The following SCNN1B variants were observed in gnomAD, a reference collection of about 807,000 sequenced individuals.
SCNN1B encodes epithelial sodium channel subunit beta.
SCNN1B carries 46 observed loss-of-function variants against 65.3 expected under a neutral mutation model. The ratio of observed to expected loss-of-function variants is 0.70; its 90% CI spans 0.56 to 0.90. The LOEUF (loss-of-function observed/expected upper bound fraction) is 0.90. SCNN1B is among the 40% of genes least tolerant of loss of function. SCNN1B has a pLI of 0.00. For synonymous variants in SCNN1B, 349 were observed against 330.6 expected, an observed-to-expected ratio of 1.06 and a Z score of -0.60; for missense variants, 751 against 830.5, an observed-to-expected ratio of 0.90 and a Z score of 1.18.
intron 2 of SCNN1B, among the ~76,000 whole-genome samples, chr16:23,349,236 G>C (rs1021093739): frequency 1.3e-5 from 2 of 152,150 alleles, no homozygotes; most frequent in Non-Finnish European, 1.5e-5. Flanking sequence ...ACAGCACTTT[G>C]AGAGGCAAAG....
In SCNN1B at chr16:23,353,040, G is replaced by T. The variant is rs1333009976; in HGVS notation, c.551G>T (p.Cys184Phe). The T allele has an allele frequency of 6.2e-7, 1 of 1,614,034 alleles. No homozygotes were observed. Among genetic ancestry groups the T allele is most frequent in the African/African-American group, 1.3e-5 (1 of 74,902 alleles). ...LTSSSASEKI[C>F]NAHGCKMAMR... ...AGCAGCTCAGCATCAGAAAAGATCT[G>T]TAATGCCCACGGGTGCAAAATGGCC... Residue 184 changes from cysteine (C) to phenylalanine (F), a missense_variant, in exon 3 of 13, where the codon TGT becomes TTT. Cys to Phe is a radical substitution (Grantham distance 205). Coordinates refer to ENST00000343070, the MANE Select transcript of SCNN1B (RefSeq NM_000336.3).
intron 7 of SCNN1B, among the ~76,000 whole-genome samples, chr16:23,373,684 G>A (rs947789333): frequency 4.6e-5 from 7 of 152,338 alleles, no homozygotes; most frequent in African/African-American, 1.4e-4. Flanking sequence ...GGGTGCCCGA[G>A]CATGGCATGG....
chr16:23,352,269 A>G (rs1962324881), intron 2 of SCNN1B, among the ~76,000 whole-genome samples: 1 of 152,210 alleles, frequency 6.6e-6, no homozygotes, highest in Non-Finnish European at 1.5e-5. Flanking sequence ...AGATGGATGC[A>G]TGGGTGGGTG....
intron 4 of SCNN1B, among the ~76,000 whole-genome samples, chr16:23,360,217 T>TAAATAAATAAACAAAC (rs1555488458): frequency 1.3e-5 from 2 of 150,110 alleles, no homozygotes; most frequent in African/African-American, 4.9e-5. Flanking sequence ...AATAAATAAA[T>TAAATAAATAAACAAAC]AAATAAATAA....
In SCNN1B at chr16:23,380,090, G is replaced by T. The variant is rs1450480510; in HGVS notation, c.1467-4G>T. ...GTCCCGGCCCTTCTCGCTGCCTCCT[G>T]CAGGAAGGGAATTGTCAAGCTCAAC... On this transcript the variant is annotated splice_region_variant and splice_polypyrimidine_tract_variant and intron_variant, in intron 11 of 12. Transcript: ENST00000343070. The surrounding 1 kb of genome is among the most constrained non-coding windows in gnomAD (Gnocchi z 5.4). 3.1e-6 allele frequency: 5 copies of T among 1,613,270 alleles called. No individual in the cohort carries two copies. In the South Asian group the frequency reaches 3.3e-5, roughly 11 times the overall value.
intron 1 of SCNN1B, among the ~76,000 whole-genome samples, chr16:23,331,784 G>C (rs188329234): frequency 2.2e-3 from 329 of 152,304 alleles, no homozygotes; most frequent in Non-Finnish European, 3.5e-3. Context: ...AATTAGCACA[G>C]GAGGGGGAGC....
chr16:23,292,943 C>T (rs1330743461), intron 2 of SCNN1B, among the ~76,000 whole-genome samples: 2 of 150,948 alleles, frequency 1.3e-5, no homozygotes, highest in East Asian at 4.0e-4. Context: ...GGTGAAACCC[C>T]GTCTCTACTA....
chr16:23,374,268 G>GAAAAAAAA (rs1223701346), intron 7 of SCNN1B, among the ~76,000 whole-genome samples: 13,491 of 59,474 alleles, frequency 0.23, 1,835 homozygotes, highest in Non-Finnish European at 0.28. Flanking sequence ...CCTGTCTCAG[G>GAAAAAAAA]AAAAAAAAAA....
At chr16:23,331,198 T>A (rs78219183) in intron 1 of SCNN1B, among the ~76,000 whole-genome samples, 2,242 of 152,300 alleles carry the variant, frequency 0.015, 61 homozygotes, top group African/African-American at 0.048. Flanking sequence ...CCTGTCAGAA[T>A]CACTCCCTTC....
chr16:23,319,936 T>C (rs1961553174), intron 1 of SCNN1B, among the ~76,000 whole-genome samples: 1 of 151,996 alleles, frequency 6.6e-6, no homozygotes, highest in African/African-American at 2.4e-5. Flanking sequence ...TCCGACTAAT[T>C]TTTGTATTTT....
At position 23,380,088 on chromosome 16, in the gene SCNN1B, C is replaced by A; in HGVS notation, c.1467-6C>A. On this transcript the variant is annotated splice_region_variant and splice_polypyrimidine_tract_variant and intron_variant, in intron 11 of 12. Coordinates refer to ENST00000343070, the MANE Select transcript of SCNN1B (RefSeq NM_000336.3). This position sits in a 1 kb window ranked among gnomAD's most constrained non-coding sequence, Gnocchi z 5.4. ...TAGTCCCGGCCCTTCTCGCTGCCTC[C>A]TGCAGGAAGGGAATTGTCAAGCTCA... is the stretch of plus-strand genomic sequence containing the variant. The A allele has an allele frequency of 6.2e-7, 1 of 1,613,406 alleles. No homozygotes were observed. The highest frequency in any genetic ancestry group is 8.5e-7 in the Non-Finnish European group (1 of 1,179,356).
At chr16:23,318,851 G>A (rs1189980260) in intron 1 of SCNN1B, among the ~76,000 whole-genome samples, 1 of 152,188 alleles carries the variant, frequency 6.6e-6, no homozygotes. Context: ...GAGGATTTGG[G>A]GCCCAACCTG....
At chr16:23,314,334 AATT>A (rs1961407124) in intron 1 of SCNN1B, among the ~76,000 whole-genome samples, 1 of 152,150 alleles carries the variant, frequency 6.6e-6, no homozygotes. Context: ...GGCCAGGTAC[AATT>A]ATTATCCCCC....
At chr16:23,296,036 A>G (rs947796260) in intron 2 of SCNN1B, among the ~76,000 whole-genome samples, 2 of 152,118 alleles carry the variant, frequency 1.3e-5, no homozygotes, top group Non-Finnish European at 2.9e-5. Context: ...GATTTCTGGG[A>G]ACAATGTGAA....
At chr16:23,335,915 A>G (rs1961929343) in intron 1 of SCNN1B, among the ~76,000 whole-genome samples, 1 of 152,092 alleles carries the variant, frequency 6.6e-6, no homozygotes, top group Non-Finnish European at 1.5e-5. Flanking sequence ...TATCGTCTCC[A>G]TTAGTCATGC....
chr16:23,355,431 T>C lies in SCNN1B; in HGVS notation c.718T>C (p.Tyr240His). The C allele has an allele frequency of 6.2e-7, 1 of 1,614,172 alleles. No homozygotes were observed. The highest frequency in any genetic ancestry group is 8.5e-7 in the Non-Finnish European group (1 of 1,180,028). Residue 240 changes from tyrosine to histidine, a missense_variant, in exon 4 of 13, where the codon TAC (tyrosine) becomes CAC (histidine). Tyr to His is a moderately conservative substitution (Grantham distance 83). Coordinates refer to ENST00000343070, the MANE Select transcript of SCNN1B (RefSeq NM_000336.3). Reference protein sequence around the residue: ...VPQQELVEMSYPGEQMILACL... With the variant: ...VPQQELVEMSHPGEQMILACL... ...ACAGCAGGAGCTAGTAGAGATGAGC[T>C]ACCCCGGCGAGCAGATGATCCTGGC... is the stretch of plus-strand genomic sequence containing the variant.
Position 23,381,049 on chromosome 16 carries a change from C to A in SCNN1B, c.*248C>A, listed in dbSNP as rs921796287. Reference sequence around the variant, plus strand: ...CACCTGGTTCCTACCCTCGTCCCTACCTGTCCTGATCCTGGTCCTGAAGAC... The same window carrying A: ...CACCTGGTTCCTACCCTCGTCCCTAACTGTCCTGATCCTGGTCCTGAAGAC... On this transcript the variant is annotated 3_prime_UTR_variant, in exon 13 of 13. Transcript: ENST00000343070. 8.7e-6 allele frequency: 5 copies of A among 575,922 alleles called. No homozygotes were observed. The Admixed American group carries it at 1.4e-4, about 16-fold the overall frequency. The allele number at this position is 575,922 out of a possible 1,614,324, so 35.7% of individuals were successfully genotyped here.
intron 3 of SCNN1B, among the ~76,000 whole-genome samples, chr16:23,354,955 C>T (rs895952363): frequency 9.9e-5 from 15 of 152,142 alleles, no homozygotes; most frequent in Admixed American, 2.0e-4. Context: ...CTCCCTTGAA[C>T]GAGGGGACCA....
chr16:23,376,026 G>A (rs779108622), intron 8 of SCNN1B, among the ~76,000 whole-genome samples, 171 bp downstream of exon 8: 1 of 152,204 alleles, frequency 6.6e-6, no homozygotes, highest in Non-Finnish European at 1.5e-5. Context: ...CCTCCTTTCT[G>A]CAGGAGCCCA....
Sources: allele counts gnomAD v4.1 joint callset (sites outside exome capture counted in the v4.1 genomes callset), GRCh38; gene constraint gnomAD v4.1.1; non-coding constraint Gnocchi (gnomAD v3.1); transcripts MANE v1.5; gene names NCBI Gene and HGNC (gene_info 2026-07-23, HGNC 2026-07-21).